Variants in ZDHHC7 observed in about 807,000 individuals in gnomAD.
ZDHHC7 encodes zDHHC palmitoyltransferase 7.
In ZDHHC7, 12 loss-of-function variants were observed where a neutral mutation model predicts 34.1. The observed-to-expected ratio is 0.35, with a 90% CI of 0.23 to 0.57. The LOEUF is 0.57. ZDHHC7 is among the 20% of genes least tolerant of loss of function. The probability of loss-of-function intolerance (pLI) is 0.84; values close to 1 mark genes in which losing one functional copy is unlikely to be tolerated. For synonymous variants in ZDHHC7, 185 were observed against 155.4 expected, an observed-to-expected ratio of 1.19 and a Z score of -1.42; for missense variants, 388 against 402.7, an observed-to-expected ratio of 0.96 and a Z score of 0.31.
the ZDHHC7 span, among the ~76,000 whole-genome samples, chr16:85,017,045 G>A: frequency 2.0e-5 from 3 of 150,812 alleles, no homozygotes; most frequent in African/African-American, 2.4e-5. Flanking sequence ...AGGTTCAAGC[G>A]ACTCCCCTGC....
intron 3 of ZDHHC7, 50 bp downstream of exon 3, chr16:84,990,254 A>T (rs896306383): frequency 6.3e-7 from 1 of 1,585,274 alleles, no homozygotes; most frequent in Non-Finnish European, 8.6e-7. Flanking sequence ...ACACCCGAGG[A>T]CACTAGACCA....
In ZDHHC7 at chr16:84,981,928, C is replaced by T; in HGVS notation, c.382G>A (p.Val128Ile). 6 of 1,614,242 alleles carry T rather than the reference C, an allele frequency of 3.7e-6. No individual in the cohort carries two copies. The highest frequency in any genetic ancestry group is 5.1e-6 in the Non-Finnish European group (6 of 1,180,048). ...CAGCACTTGGGGCACTTGTAGATGA[C>T]TTCCCCGGGCTTCAGCTGCAAGCTC... ...MESLQLKPGE[V>I]IYKCPKCCCI... Residue 128 changes from valine (V) to isoleucine (I), a missense_variant, in exon 4 of 8, where the codon GTC becomes ATC. Val to Ile is a conservative substitution (Grantham distance 29, BLOSUM62 3). Coordinates refer to ENST00000313732, the MANE Select transcript of ZDHHC7 (RefSeq NM_017740.3).
intron 3 of ZDHHC7, among the ~76,000 whole-genome samples, chr16:84,985,952 C>CAA (rs58315276): frequency 0.031 from 1,642 of 53,602 alleles, 183 homozygotes; most frequent in African/African-American, 0.093. Flanking sequence ...GAGACTGTCT[C>CAA]AAAAAAAAAA....
chr16:85,009,709 CT>C (rs543110602), intron 1 of ZDHHC7, among the ~76,000 whole-genome samples: 18,830 of 125,920 alleles, frequency 0.15, 986 homozygotes, highest in East Asian at 0.27. Flanking sequence ...GACTTTTTTT[CT>C]TTTTTTTTTT....
At chr16:85,000,021 T>TC (rs759995791) in intron 1 of ZDHHC7, among the ~76,000 whole-genome samples, 2 of 151,422 alleles carry the variant, frequency 1.3e-5, no homozygotes, top group Non-Finnish European at 2.9e-5. Context: ...GGGCCTGTAC[T>TC]CCCAGCTGCT....
chr16:85,005,508 C>A (rs1237808843), intron 1 of ZDHHC7, among the ~76,000 whole-genome samples: 2 of 152,174 alleles, frequency 1.3e-5, no homozygotes, highest in Non-Finnish European at 2.9e-5. Context: ...GTCTTAGAGG[C>A]TAAGTGCCTT....
At chr16:85,014,090 C>A (rs968409376), upstream of ZDHHC7, among the ~76,000 whole-genome samples, 12 of 152,150 alleles carry the variant, frequency 7.9e-5, no homozygotes, top group African/African-American at 2.9e-4. Flanking sequence ...TCTTTGCGCC[C>A]ATTTTAAAGT....
At chr16:85,024,227 TTTG>T in the ZDHHC7 span, among the ~76,000 whole-genome samples, 9 of 140,916 alleles carry the variant, frequency 6.4e-5, no homozygotes, top group Admixed American at 7.0e-4. Flanking sequence ...CTCAGAGTTT[TTTG>T]TTTTTTTTTT....
the ZDHHC7 span, among the ~76,000 whole-genome samples, chr16:85,027,597 GC>G: frequency 6.6e-6 from 1 of 152,170 alleles, no homozygotes; most frequent in African/African-American, 2.4e-5. Flanking sequence ...ACCCGAGAGC[GC>G]TCCCACCGAG....
intron 6 of ZDHHC7, among the ~76,000 whole-genome samples, chr16:84,977,681 C>T (rs549057447): frequency 6.6e-6 from 1 of 152,226 alleles, no homozygotes; most frequent in Non-Finnish European, 1.5e-5. Flanking sequence ...ACGTAAGCAA[C>T]GTGAAGCCTG....
chr16:85,027,005 C>G, the ZDHHC7 span, among the ~76,000 whole-genome samples: 3 of 152,172 alleles, frequency 2.0e-5, no homozygotes, highest in African/African-American at 7.2e-5. Context: ...CCAAAGGCAG[C>G]ACTTCTATTT....
At chr16:85,020,278 C>T in the ZDHHC7 span, among the ~76,000 whole-genome samples, 7 of 152,184 alleles carry the variant, frequency 4.6e-5, no homozygotes, top group Admixed American at 1.3e-4. Context: ...CTTCTCCCTG[C>T]GATCCTGGTT....
intron 6 of ZDHHC7, 164 bp from the exon 7 acceptor site, chr16:84,977,389 G>A: frequency 1.2e-6 from 1 of 851,802 alleles, no homozygotes; most frequent in Non-Finnish European, 1.8e-6. Context: ...GAGCAGAGGA[G>A]GGCCACCCTT....
intron 1 of ZDHHC7, among the ~76,000 whole-genome samples, chr16:85,004,682 G>A (rs546668029): frequency 6.9e-6 from 1 of 145,868 alleles, no homozygotes; most frequent in East Asian, 1.9e-4. Flanking sequence ...GCACTCCCGG[G>A]TTCACCACGC....
chr16:85,013,181 T>G (rs767382635), upstream of ZDHHC7, among the ~76,000 whole-genome samples: 13 of 152,176 alleles, frequency 8.5e-5, no homozygotes, highest in Non-Finnish European at 1.6e-4. Context: ...TTGCCACTTT[T>G]GGAAGCTCAA....
chr16:84,998,183 G>A (rs1472816388), intron 1 of ZDHHC7, among the ~76,000 whole-genome samples: 5 of 150,498 alleles, frequency 3.3e-5, no homozygotes, highest in African/African-American at 7.4e-5. Flanking sequence ...AGAACGGCGC[G>A]AACCCGGGAG....
At position 84,981,977 on chromosome 16, in the gene ZDHHC7, T is replaced by C; in HGVS notation, c.333A>G (p.Gly111=). The change falls in exon 4 of 8, where the codon GGA becomes GGG. Residue 111 remains glycine (G), a synonymous_variant. Transcript: ENST00000313732. ...MLTDPGAVPK[G]NATKEYMESL... is the part of the protein sequence containing the mutation. ...TCTCCATGTATTCTTTCGTAGCGTT[T>C]CCTTTGGGTACTGCCCCCTACCATA... The C allele has an allele frequency of 6.2e-7, 1 of 1,614,188 alleles. No homozygotes were observed. Among genetic ancestry groups the C allele is most frequent in the South Asian group, 1.1e-5 (1 of 91,080 alleles).
At chr16:84,987,048 G>C (rs2072445961) in intron 3 of ZDHHC7, among the ~76,000 whole-genome samples, 1 of 152,176 alleles carries the variant, frequency 6.6e-6, no homozygotes, top group Non-Finnish European at 1.5e-5. Flanking sequence ...TTCTTCCCTG[G>C]GCAGCAGGAA....
At chr16:84,989,240 T>C (rs534011206) in intron 3 of ZDHHC7, among the ~76,000 whole-genome samples, 9 of 152,340 alleles carry the variant, frequency 5.9e-5, no homozygotes, top group African/African-American at 2.2e-4. Context: ...CCTATAATAC[T>C]GTCCCATTCC....
Sources: gnomAD v4.1 joint callset for allele counts (sites outside exome capture counted in the v4.1 genomes callset) on GRCh38, gnomAD v4.1.1 for gene constraint, MANE v1.5 for transcripts, NCBI Gene and HGNC (gene_info 2026-07-23, HGNC 2026-07-21) for gene names.